The following TANC1 variants were observed in gnomAD, a reference collection of about 807,000 sequenced individuals.
TANC1 encodes the protein protein TANC1.
A neutral mutation model predicts 149.7 loss-of-function variants in TANC1; 77 were observed. The observed-to-expected ratio is 0.51, with a 90% CI of 0.43 to 0.62. The LOEUF (loss-of-function observed/expected upper bound fraction) is 0.62. Among genes scored for constraint, TANC1 ranks in the 20% least tolerant of loss-of-function variants. TANC1 has a pLI of 0.00. For synonymous variants in TANC1, 854 were observed against 925.0 expected (o/e 0.92, Z 1.39); for missense variants, 1,985 against 2,321.8 (o/e 0.85, Z 2.98).
chr2:159,179,957 T>TG, intron 14 of TANC1, among the ~76,000 whole-genome samples: 1 of 152,356 alleles, frequency 6.6e-6, no homozygotes, highest in African/African-American at 2.4e-5. Context: ...CGGCTATCTG[T>TG]GAGCCAGAAT....
chr2:159,196,248 C>T (rs982442391), intron 17 of TANC1, among the ~76,000 whole-genome samples: 10 of 152,182 alleles, frequency 6.6e-5, no homozygotes, highest in African/African-American at 2.2e-4. Context: ...CTTAGAATGC[C>T]CCACCCAAGC....
chr2:159,096,808 A>G (rs1289609422), intron 3 of TANC1, among the ~76,000 whole-genome samples: 1 of 152,198 alleles, frequency 6.6e-6, no homozygotes, highest in East Asian at 1.9e-4. Flanking sequence ...GTGAACTACT[A>G]ATTAGGATTG....
intron 2 of TANC1, among the ~76,000 whole-genome samples, chr2:159,003,427 T>G (rs2036803450): frequency 6.6e-6 from 1 of 152,232 alleles, no homozygotes; most frequent in African/African-American, 2.4e-5. Flanking sequence ...TGTCTTTTAT[T>G]CACTGCCATA....
At chr2:159,094,931 G>T (rs2149889778) in intron 3 of TANC1, among the ~76,000 whole-genome samples, 1 of 151,804 alleles carries the variant, frequency 6.6e-6, no homozygotes, top group Middle Eastern at 3.4e-3. Flanking sequence ...AGTGAGAGGT[G>T]TTTTTTTATT....
intron 2 of TANC1, among the ~76,000 whole-genome samples, chr2:159,018,428 C>T (rs1292593141): frequency 1.3e-5 from 2 of 152,124 alleles, no homozygotes; most frequent in African/African-American, 2.4e-5. Flanking sequence ...TTCTAGCAAA[C>T]AGTAGCAGAC....
At chr2:159,103,569 G>A (rs1439516605) in intron 4 of TANC1, among the ~76,000 whole-genome samples, 1 of 96,424 alleles carries the variant, frequency 1.0e-5, no homozygotes, top group African/African-American at 2.9e-5. Flanking sequence ...AGACTGTGTC[G>A]GGAATTATGA....
At chr2:159,080,185 C>T (rs920226286) in intron 3 of TANC1, among the ~76,000 whole-genome samples, 6 of 152,154 alleles carry the variant, frequency 3.9e-5, no homozygotes, top group African/African-American at 1.2e-4. Flanking sequence ...TCTGTAGGCT[C>T]GGAGAGCCTG....
chr2:159,205,919 G>A (rs1056210900), intron 19 of TANC1, among the ~76,000 whole-genome samples: 8 of 152,348 alleles, frequency 5.3e-5, no homozygotes, highest in Admixed American at 2.0e-4. Flanking sequence ...AGAAAACTGC[G>A]ACTTGCTGTC....
intron 4 of TANC1, among the ~76,000 whole-genome samples, chr2:159,133,337 C>T (rs1346582599): frequency 6.9e-6 from 1 of 145,286 alleles, no homozygotes; most frequent in South Asian, 2.2e-4. Flanking sequence ...TGTCTTTGTT[C>T]TGGTTCCTTT....
At chr2:158,969,969 T>C (rs933834643) in intron 1 of TANC1, among the ~76,000 whole-genome samples, 40 of 152,080 alleles carry the variant, frequency 2.6e-4, no homozygotes, top group Admixed American at 2.6e-3. Context: ...GCGTCGTCCG[T>C]ACAGGTTACA....
At chr2:159,183,522 A>G (rs1238928676) in intron 14 of TANC1, among the ~76,000 whole-genome samples, 2 of 152,078 alleles carry the variant, frequency 1.3e-5, no homozygotes, top group African/African-American at 4.8e-5. Flanking sequence ...AGTGTTGCCA[A>G]GAGGTGAAGG....
In TANC1 at chr2:159,150,569, C is replaced by T. The variant is rs2052673607; in HGVS notation, c.682+13C>T. The stretch of plus-strand genomic sequence containing the variant: ...AGTGGAATTATAGGTAAGAAGCACA[C>T]TGCTCGGTAACATAATGGCTCGAAT... On this transcript the variant is annotated intron_variant, in intron 7 of 26. Coordinates refer to ENST00000263635, the MANE Select transcript of TANC1 (RefSeq NM_033394.3). 1.9e-6 allele frequency: 3 copies of T among 1,600,830 alleles called. No homozygotes were observed. Among genetic ancestry groups the T allele is most frequent in the South Asian group, 1.1e-5 (1 of 90,754 alleles).
intron 4 of TANC1, among the ~76,000 whole-genome samples, chr2:159,102,799 A>G: frequency 1.2e-5 from 1 of 82,222 alleles, no homozygotes; most frequent in Non-Finnish European, 2.9e-5. Flanking sequence ...GCTCACTGCA[A>G]GCTCCGCCTC....
intron 2 of TANC1, among the ~76,000 whole-genome samples, chr2:159,064,375 AG>A (rs1321624040): frequency 1.1e-4 from 17 of 152,352 alleles, no homozygotes; most frequent in South Asian, 1.0e-3. Context: ...CTTGTGTGTA[AG>A]ATGATTTTAC....
intron 14 of TANC1, among the ~76,000 whole-genome samples, chr2:159,182,705 C>A (rs945427524): frequency 6.6e-6 from 1 of 152,078 alleles, no homozygotes; most frequent in Non-Finnish European, 1.5e-5. Context: ...TGTTCAGATT[C>A]TATATTTTTA....
chr2:159,221,188 T>C (rs2357054), intron 22 of TANC1, among the ~76,000 whole-genome samples: 13,122 of 151,914 alleles, frequency 0.086, 1,191 homozygotes, highest in East Asian at 0.22. Context: ...CGAGATCAAG[T>C]GAACTAGTAG....
intron 6 of TANC1, chr2:159,150,149 C>T (rs941916004): frequency 2.1e-5 from 9 of 426,822 alleles, no homozygotes; most frequent in Non-Finnish European, 3.3e-5. Flanking sequence ...GGAGGGGAAC[C>T]GAACAAAGAT....
At chr2:159,052,177 A>C (rs1487513883) in intron 2 of TANC1, among the ~76,000 whole-genome samples, 1 of 152,184 alleles carries the variant, frequency 6.6e-6, no homozygotes, top group African/African-American at 2.4e-5. Flanking sequence ...TACAACCAAC[A>C]GCGTGTATTA....
At chr2:159,066,652 T>C (rs1463543820) in intron 3 of TANC1, among the ~76,000 whole-genome samples, 1 of 152,210 alleles carries the variant, frequency 6.6e-6, no homozygotes, top group Non-Finnish European at 1.5e-5. Context: ...ATTTTATGTG[T>C]TTGACCAACT....
Sources: gnomAD v4.1 joint callset for allele counts (sites outside exome capture counted in the v4.1 genomes callset) on GRCh38, gnomAD v4.1.1 for gene constraint, MANE v1.5 for transcripts, NCBI Gene and HGNC (gene_info 2026-07-23, HGNC 2026-07-21) for gene names.